The following PLCH1 variants were observed in gnomAD, a reference collection of about 807,000 sequenced individuals.
PLCH1 encodes the protein 1-phosphatidylinositol 4,5-bisphosphate phosphodiesterase eta-1.
In PLCH1, 60 loss-of-function variants were observed where a neutral mutation model predicts 126.7. The observed-to-expected ratio is 0.47, with a 90% confidence interval of 0.38 to 0.59. The LOEUF (loss-of-function observed/expected upper bound fraction) is 0.59. PLCH1 is among the 20% of genes least tolerant of loss of function. The probability of loss-of-function intolerance (pLI) is 0.00; values close to 1 mark genes in which losing one functional copy is unlikely to be tolerated. For synonymous variants in PLCH1, 719 were observed against 734.9 expected (o/e 0.98, Z 0.35); for missense variants, 1,723 against 2,040.0 (o/e 0.84, Z 2.99).
chr3:155,491,522 C>T (rs1716198428), intron 18 of PLCH1, among the ~76,000 whole-genome samples: 1 of 152,170 alleles, frequency 6.6e-6, no homozygotes, highest in Non-Finnish European at 1.5e-5. Context: ...CTCAGCCTCT[C>T]AAAGTGCTGG....
At chr3:155,471,233 C>T (rs1045728846) in intron 21 of PLCH1, among the ~76,000 whole-genome samples, 10 of 152,114 alleles carry the variant, frequency 6.6e-5, no homozygotes, top group African/African-American at 9.6e-5. Flanking sequence ...TGGAGGAAGA[C>T]CTACCAAGCA....
At chr3:155,585,100 C>T (rs1430819509) in intron 5 of PLCH1, among the ~76,000 whole-genome samples, 3 of 152,184 alleles carry the variant, frequency 2.0e-5, no homozygotes, top group Non-Finnish European at 4.4e-5. Flanking sequence ...CCCATTCTCT[C>T]ATGCTGTTCT....
intron 2 of PLCH1, among the ~76,000 whole-genome samples, chr3:155,692,812 A>G (rs913884101): frequency 6.6e-6 from 1 of 151,648 alleles, no homozygotes; most frequent in Non-Finnish European, 1.5e-5. Flanking sequence ...GCTAGAGTGC[A>G]GTGGCGCCAT....
At chr3:155,736,944 T>C (rs1176777101) in intron 1 of PLCH1, among the ~76,000 whole-genome samples, 1 of 152,042 alleles carries the variant, frequency 6.6e-6, no homozygotes, top group Non-Finnish European at 1.5e-5. Context: ...TAAAAGAGTA[T>C]ACAGGCCGGG....
chr3:155,472,767 G>T (rs1713329202), intron 21 of PLCH1, among the ~76,000 whole-genome samples: 1 of 150,160 alleles, frequency 6.7e-6, no homozygotes, highest in South Asian at 2.1e-4. Flanking sequence ...TGCAAGGCTG[G>T]TTCAATATAC....
intron 6 of PLCH1, among the ~76,000 whole-genome samples, chr3:155,573,536 T>C (rs968371057): frequency 3.9e-5 from 6 of 152,180 alleles, no homozygotes; most frequent in Admixed American, 3.9e-4. Flanking sequence ...CACATGTCTG[T>C]GGTTGGTGCT....
At chr3:155,537,202 C>CAAAAAAAAAAAAAAAAAAAAAAAAAAA (rs535908017) in intron 10 of PLCH1, among the ~76,000 whole-genome samples, 6 of 10,448 alleles carry the variant, frequency 5.7e-4, no homozygotes, top group South Asian at 2.5e-3. Context: ...AAAAAAAAAC[C>CAAAAAAAAAAAAAAAAAAAAAAAAAAA]AAAAAAAAAA....
At chr3:155,550,202 T>C (rs557046485) in intron 9 of PLCH1, among the ~76,000 whole-genome samples, 1 of 152,222 alleles carries the variant, frequency 6.6e-6, no homozygotes, top group Non-Finnish European at 1.5e-5. Flanking sequence ...ATGGCTTTTC[T>C]AATATTTTGC....
At chr3:155,556,236 C>G (rs1233771544) in intron 8 of PLCH1, among the ~76,000 whole-genome samples, 2 of 152,102 alleles carry the variant, frequency 1.3e-5, no homozygotes, top group Non-Finnish European at 2.9e-5. Flanking sequence ...GCCTGTAATC[C>G]CAGCTACTCA....
intron 2 of PLCH1, among the ~76,000 whole-genome samples, chr3:155,698,665 GA>G (rs1746009551): frequency 1.3e-5 from 2 of 152,170 alleles, no homozygotes; most frequent in South Asian, 4.1e-4. Context: ...TGCTGATATG[GA>G]AAACTTAGTC....
chr3:155,475,847 G>A (rs1486172523), downstream of PLCH1, among the ~76,000 whole-genome samples: 3 of 152,194 alleles, frequency 2.0e-5, no homozygotes, highest in East Asian at 3.9e-4. Flanking sequence ...AGAAAAGCCT[G>A]CAAACTGATG....
At chr3:155,511,661 CTCGGGGG>C (rs1231555410) in intron 12 of PLCH1, among the ~76,000 whole-genome samples, 40 of 140,864 alleles carry the variant, frequency 2.8e-4, no homozygotes, top group Non-Finnish European at 5.5e-4. Flanking sequence ...AGTTAGGCTG[CTCGGGGG>C]TCAGGGGTCA....
intron 1 of PLCH1, among the ~76,000 whole-genome samples, chr3:155,721,525 G>T (rs1010700386): frequency 4.6e-5 from 7 of 152,126 alleles, no homozygotes; most frequent in Non-Finnish European, 8.8e-5. Flanking sequence ...CGCTGTTCAT[G>T]TATAGCAGAG....
At chr3:155,487,931 G>T in intron 21 of PLCH1, 97 bp downstream of exon 21, 1 of 819,764 alleles carries the variant, frequency 1.2e-6, no homozygotes, top group Non-Finnish European at 2.0e-6. Flanking sequence ...TTCAAGAACA[G>T]TTTGTCAAAA....
At chr3:155,696,710 AT>A (rs1462898378) in intron 2 of PLCH1, among the ~76,000 whole-genome samples, 1 of 152,174 alleles carries the variant, frequency 6.6e-6, no homozygotes, top group Non-Finnish European at 1.5e-5. Context: ...TATACACATT[AT>A]TTCTTCTTTC....
chr3:155,574,457 T>C (rs940020800), intron 6 of PLCH1, among the ~76,000 whole-genome samples: 5 of 152,230 alleles, frequency 3.3e-5, no homozygotes, highest in African/African-American at 7.2e-5. Context: ...CTCTATGAGA[T>C]TGAATTTCAG....
chr3:155,652,485 CGT>C (rs1004736136), intron 2 of PLCH1, among the ~76,000 whole-genome samples: 1 of 151,952 alleles, frequency 6.6e-6, no homozygotes, highest in Non-Finnish European at 1.5e-5. Flanking sequence ...TGTTTTTTTG[CGT>C]GTGTGTGTGG....
chr3:155,709,322 G>T (rs549631358), intron 1 of PLCH1, among the ~76,000 whole-genome samples: 3 of 152,314 alleles, frequency 2.0e-5, no homozygotes, highest in South Asian at 4.1e-4. Flanking sequence ...GGACTGTGTG[G>T]TAAGAGTATG....
chr3:155,542,749 G>A (rs374769403), intron 10 of PLCH1, among the ~76,000 whole-genome samples: 2 of 152,334 alleles, frequency 1.3e-5, no homozygotes, highest in South Asian at 2.1e-4. Context: ...CTGTTCTGCA[G>A]CCACTGCTGC....
Sources: allele counts gnomAD v4.1 joint callset (sites outside exome capture counted in the v4.1 genomes callset), GRCh38; gene constraint gnomAD v4.1.1; transcripts MANE v1.5; gene names NCBI Gene and HGNC (gene_info 2026-07-23, HGNC 2026-07-21).